The following PNPLA7 variants were observed in gnomAD, a reference collection of about 807,000 sequenced individuals.
PNPLA7 encodes the protein patatin-like phospholipase domain-containing protein 7.
Under a neutral mutation model 161.7 loss-of-function variants are expected in PNPLA7, and 153 were observed. The observed-to-expected ratio is 0.95, with a 90% CI of 0.83 to 1.08. The LOEUF (loss-of-function observed/expected upper bound fraction) is 1.08, where lower values mean the gene tolerates loss of function less well. PNPLA7 is among the 50% of genes least tolerant of loss of function. PNPLA7 has a pLI of 0.00. For missense variants in PNPLA7, 1,739 were observed against 1,856.6 expected (o/e 0.94, Z 1.16); for synonymous variants, 809 against 782.1 (o/e 1.03, Z -0.57).
intron 12 of PNPLA7, among the ~76,000 whole-genome samples, chr9:137,513,213 C>T (rs1834329477): frequency 2.0e-5 from 3 of 151,916 alleles, no homozygotes; most frequent in Admixed American, 6.6e-5. Flanking sequence ...TCTTTGAGGC[C>T]GGGTGCGGTG....
chr9:137,514,839 C>A (rs1199827302), intron 12 of PNPLA7, among the ~76,000 whole-genome samples: 2 of 146,138 alleles, frequency 1.4e-5, no homozygotes, highest in Non-Finnish European at 3.0e-5. Flanking sequence ...GGGCGGGTCA[C>A]CTGGATGTTG....
At position 137,535,646 on chromosome 9, in the gene PNPLA7, G is replaced by A. The variant is rs573594693; in HGVS notation, c.747+4996C>T. 1.3e-4 allele frequency among the ~76,000 whole-genome samples: 19 copies of A among 151,458 alleles called. 1 individual carries two copies. Among genetic ancestry groups the A allele is most frequent in the Middle Eastern group, 3.4e-3 (1 of 294 alleles). Reference sequence around the variant, plus strand: ...TGGGCACCTGTAATCCCAGCTACTCGGGAGGCTGAGGCAGGAGAATCGTTT... The same window carrying A: ...TGGGCACCTGTAATCCCAGCTACTCAGGAGGCTGAGGCAGGAGAATCGTTT... On this transcript the variant is annotated intron_variant, in intron 8 of 34. Coordinates refer to ENST00000406427, the MANE Select transcript of PNPLA7 (RefSeq NM_001098537.3).
chr9:137,504,122 G>GA (rs1272237792), intron 14 of PNPLA7, among the ~76,000 whole-genome samples: 1 of 138,190 alleles, frequency 7.2e-6, no homozygotes, highest in Non-Finnish European at 1.6e-5. Flanking sequence ...AGAAGAAGAA[G>GA]AAAAAAGGAA....
rs1564278905 is a variant in PNPLA7, at chr9:137,463,400, C to T, written c.3343+15G>A. On this transcript the variant is annotated intron_variant, in intron 29 of 34. Coordinates refer to ENST00000406427, the MANE Select transcript of PNPLA7 (RefSeq NM_001098537.3). Reference sequence around the variant, plus strand: ...GCCTGTGCTCCTGCCGGGCGTGGTCCCCCCACCGCAGTACCTGGGAGGTTG... The same window carrying T: ...GCCTGTGCTCCTGCCGGGCGTGGTCTCCCCACCGCAGTACCTGGGAGGTTG... 2 of 1,591,096 alleles carry T rather than the reference C, an allele frequency of 1.3e-6. No homozygotes were observed. The highest frequency in any genetic ancestry group is 1.7e-6 in the Non-Finnish European group (2 of 1,166,572).
Position 137,540,569 on chromosome 9 carries a change from A to C in PNPLA7, c.747+73T>G. 1 of 1,336,840 alleles carries C rather than the reference A, an allele frequency of 7.5e-7. No homozygotes were observed. The highest frequency in any genetic ancestry group is 1.0e-6 in the Non-Finnish European group (1 of 960,128). 82.8% of individuals were successfully genotyped at this position (1,336,840 alleles called of 1,614,324 possible). On this transcript the variant is annotated intron_variant, in intron 8 of 34. Coordinates refer to ENST00000406427, the MANE Select transcript of PNPLA7 (RefSeq NM_001098537.3). The surrounding 1 kb of genome is among the most constrained non-coding windows in gnomAD (Gnocchi z 5.1). ...GGCCTTTAACCACTACCAGCTGTCCAGACAAGACAGAAAAACCAGGCCTCC... is the reference window on the plus strand; with the variant it reads ...GGCCTTTAACCACTACCAGCTGTCCCGACAAGACAGAAAAACCAGGCCTCC...
In PNPLA7 at chr9:137,540,080, G is replaced by A. The variant is rs995122751; in HGVS notation, c.747+562C>T. On this transcript the variant is annotated intron_variant, in intron 8 of 34. Coordinates refer to ENST00000406427, the MANE Select transcript of PNPLA7 (RefSeq NM_001098537.3). The surrounding 1 kb of genome is among the most constrained non-coding windows in gnomAD (Gnocchi z 5.1). Reference sequence around the variant, plus strand: ...ATTACAGGTGTGAGCCACTGCGCCCGGCCCGGCAGCACCTTTCAAAATTAC... The same window carrying A: ...ATTACAGGTGTGAGCCACTGCGCCCAGCCCGGCAGCACCTTTCAAAATTAC... 3.3e-5 allele frequency among the ~76,000 whole-genome samples: 5 copies of A among 152,280 alleles called. No homozygotes were observed. The highest frequency in any genetic ancestry group is 9.6e-5 in the African/African-American group (4 of 41,552).
At chr9:137,502,733 G>A (rs560263112) in intron 14 of PNPLA7, among the ~76,000 whole-genome samples, 1 of 139,890 alleles carries the variant, frequency 7.1e-6, no homozygotes, top group East Asian at 2.0e-4. Context: ...GGGGACGGGG[G>A]GGACGAGAGG....
chr9:137,492,409 G>T, intron 20 of PNPLA7: 3 of 396,778 alleles, frequency 7.6e-6, no homozygotes, highest in Non-Finnish European at 1.0e-5. Flanking sequence ...CCCACATTGA[G>T]ATACAGTTTG....
intron 26 of PNPLA7, among the ~76,000 whole-genome samples, chr9:137,465,188 G>A (rs908832437): frequency 6.6e-6 from 1 of 152,148 alleles, no homozygotes; most frequent in African/African-American, 2.4e-5. Context: ...AGAACGCCTC[G>A]GCCACAGGCA....
chr9:137,503,699 G>C (rs1833657079), intron 14 of PNPLA7, among the ~76,000 whole-genome samples: 1 of 144,470 alleles, frequency 6.9e-6, no homozygotes, highest in Non-Finnish European at 1.5e-5. Flanking sequence ...GAAGAAAGAA[G>C]GGGAAGGAAG....
intron 25 of PNPLA7, among the ~76,000 whole-genome samples, chr9:137,471,558 A>T (rs1462864843): frequency 2.0e-5 from 3 of 150,190 alleles, no homozygotes; most frequent in Non-Finnish European, 4.4e-5. Flanking sequence ...AGATCGCGCC[A>T]CTGCACTCCA....
At chr9:137,485,421 C>T (rs962942482) in intron 20 of PNPLA7, among the ~76,000 whole-genome samples, 3 of 150,746 alleles carry the variant, frequency 2.0e-5, no homozygotes, top group African/African-American at 7.4e-5. Flanking sequence ...GAGGCCTCAT[C>T]GGAGTAAACC....
chr9:137,495,753 C>T (rs1833022787), intron 18 of PNPLA7, among the ~76,000 whole-genome samples: 3 of 152,100 alleles, frequency 2.0e-5, no homozygotes, highest in African/African-American at 7.2e-5. Flanking sequence ...TGGAGAACTC[C>T]TCTTTTTAAG....
intron 17 of PNPLA7, 41 bp from the exon 18 acceptor site, chr9:137,497,351 C>G (rs1833120683): frequency 1.4e-6 from 2 of 1,460,976 alleles, no homozygotes; most frequent in Middle Eastern, 1.8e-4. Context: ...GGGCCCCCAG[C>G]CTCAGCCTCC....
intron 25 of PNPLA7, among the ~76,000 whole-genome samples, chr9:137,477,456 T>G (rs1831991035): frequency 6.6e-6 from 1 of 151,354 alleles, no homozygotes. Context: ...AGCAACCGCT[T>G]CTTTTTTTTT....
At chr9:137,494,175 G>A (rs1383763086) in intron 19 of PNPLA7, among the ~76,000 whole-genome samples, 1 of 152,152 alleles carries the variant, frequency 6.6e-6, no homozygotes, top group East Asian at 1.9e-4. Flanking sequence ...ATGAACAACT[G>A]CAGACCTGCC....
At chr9:137,495,505 G>T (rs1833006052) in intron 18 of PNPLA7, among the ~76,000 whole-genome samples, 1 of 151,672 alleles carries the variant, frequency 6.6e-6, no homozygotes, top group African/African-American at 2.4e-5. Flanking sequence ...GTGCAGTGGT[G>T]CGATCTCGGC....
At chr9:137,464,486 C>T (rs780252626) in intron 26 of PNPLA7, 30 bp from the exon 27 acceptor site, 2 of 1,589,006 alleles carry the variant, frequency 1.3e-6, no homozygotes, top group South Asian at 2.2e-5. Flanking sequence ...TTACAGAAGG[C>T]TTCCACCCTC....
In PNPLA7 at chr9:137,461,611, A is replaced by G; in HGVS notation, c.3766T>C (p.Cys1256Arg). The G allele has an allele frequency of 6.2e-7, 1 of 1,611,970 alleles. No homozygotes were observed. The highest frequency in any genetic ancestry group is 8.5e-7 in the Non-Finnish European group (1 of 1,179,220). ...SKKPASAVLT[C>R]PNASFTDLAE... The stretch of plus-strand genomic sequence containing the variant: ...AGGTCCGTGAAGGAGGCGTTGGGAC[A>G]GGTGAGGACCTAGGGGTGGGGTGAG... The change falls in exon 33 of 35, where the codon TGT becomes CGT. Residue 1256 changes from cysteine to arginine, a missense_variant. Physicochemically the swap from Cys to Arg is radical, Grantham distance 180. Transcript: ENST00000406427.
Sources: gnomAD v4.1 joint callset for allele counts (sites outside exome capture counted in the v4.1 genomes callset) on GRCh38, gnomAD v4.1.1 for gene constraint, Gnocchi (gnomAD v3.1) non-coding constraint, MANE v1.5 for transcripts, NCBI Gene and HGNC (gene_info 2026-07-23, HGNC 2026-07-21) for gene names.